The following RYR2 variants were observed in gnomAD, a reference collection of about 807,000 sequenced individuals.
RYR2 encodes the protein cardiac muscle ryanodine receptor-calcium release channel.
In RYR2, 227 loss-of-function variants were observed where a neutral mutation model predicts 601.1. The observed-to-expected ratio is 0.38, with a 90% CI of 0.34 to 0.42. RYR2 has a LOEUF of 0.42. Among genes scored for constraint, RYR2 ranks in the 10% least tolerant of loss-of-function variants. The pLI, the probability that RYR2 is intolerant of heterozygous loss-of-function variation, is 1.00. For missense variants in RYR2, 4,646 were observed against 6,156.5 expected (o/e 0.75, Z 8.21); for synonymous variants, 2,223 against 2,175.1 (o/e 1.02, Z -0.61).
At chr1:237,099,150 A>G (rs1451352907) in intron 1 of RYR2, among the ~76,000 whole-genome samples, 1 of 151,766 alleles carries the variant, frequency 6.6e-6, no homozygotes, top group East Asian at 1.9e-4. Context: ...TACATATAAC[A>G]TTTAAGTTAA....
chr1:237,331,763 C>T (rs186619566), intron 3 of RYR2, among the ~76,000 whole-genome samples: 69 of 152,044 alleles, frequency 4.5e-4, no homozygotes, highest in African/African-American at 1.6e-3. Context: ...ATCTGCCCAC[C>T]TTGGCCTCCC....
intron 1 of RYR2, among the ~76,000 whole-genome samples, chr1:237,070,768 G>A (rs1664217019): frequency 6.6e-6 from 1 of 152,216 alleles, no homozygotes. Flanking sequence ...GCTGGCACAG[G>A]TGCCAGCTCC....
intron 10 of RYR2, among the ~76,000 whole-genome samples, chr1:237,402,270 T>G (rs1178744977): frequency 6.7e-6 from 1 of 150,218 alleles, no homozygotes; most frequent in Non-Finnish European, 1.5e-5. Context: ...GTATGGCAAG[T>G]GGAGAGCTGA....
At chr1:237,797,514 G>A (rs1659401832) in intron 96 of RYR2, among the ~76,000 whole-genome samples, 1 of 152,204 alleles carries the variant, frequency 6.6e-6, no homozygotes, top group Non-Finnish European at 1.5e-5. Context: ...GGCATGCAGA[G>A]GTCTATGCAG....
intron 1 of RYR2, among the ~76,000 whole-genome samples, chr1:237,099,786 G>A (rs914618277): frequency 2.0e-5 from 3 of 152,182 alleles, no homozygotes; most frequent in African/African-American, 7.2e-5. Flanking sequence ...TGAGTGCTAG[G>A]CACTAATCAA....
At chr1:237,666,196 A>G (rs1380462009) in intron 56 of RYR2, among the ~76,000 whole-genome samples, 1 of 152,190 alleles carries the variant, frequency 6.6e-6, no homozygotes, top group Non-Finnish European at 1.5e-5. Flanking sequence ...ATTGCAGCCA[A>G]TTTGGATTTG....
intron 25 of RYR2, among the ~76,000 whole-genome samples, chr1:237,536,542 G>A (rs1397436584): frequency 1.3e-5 from 2 of 151,724 alleles, no homozygotes; most frequent in African/African-American, 2.4e-5. Flanking sequence ...GTGAAACCCC[G>A]TCTCTAATAA....
intron 2 of RYR2, among the ~76,000 whole-genome samples, chr1:237,283,127 C>G (rs573517498): frequency 2.0e-5 from 3 of 152,182 alleles, no homozygotes; most frequent in Non-Finnish European, 4.4e-5. Flanking sequence ...CTTGCGCGTT[C>G]TTCACCTGAA....
chr1:237,612,565 T>C (rs570679154), intron 36 of RYR2, among the ~76,000 whole-genome samples: 3 of 152,290 alleles, frequency 2.0e-5, no homozygotes, highest in Non-Finnish European at 4.4e-5. Flanking sequence ...CATAATGTAC[T>C]CTTGAGATGG....
intron 1 of RYR2, among the ~76,000 whole-genome samples, chr1:237,123,270 C>T (rs1175724492): frequency 1.3e-5 from 2 of 152,154 alleles, no homozygotes; most frequent in African/African-American, 4.8e-5. Flanking sequence ...GCTTTATTTG[C>T]TTCTATCCTA....
At chr1:237,332,163 T>C (rs1696809646) in intron 3 of RYR2, among the ~76,000 whole-genome samples, 1 of 152,182 alleles carries the variant, frequency 6.6e-6, no homozygotes, top group South Asian at 2.1e-4. Flanking sequence ...AAAATGGTAA[T>C]ATATAAATGA....
At chr1:237,533,215 A>G (rs1668296911) in intron 25 of RYR2, among the ~76,000 whole-genome samples, 2 of 152,218 alleles carry the variant, frequency 1.3e-5, no homozygotes, top group South Asian at 2.1e-4. Context: ...TACTGTCTCT[A>G]AATTTTCCAT....
rs1171829164 is a variant in RYR2 at position 237,180,042 on chromosome 1, C to T, written c.49-90455C>T. Among the ~76,000 whole-genome samples, 1 of 152,098 alleles carries T rather than the reference C, an allele frequency of 6.6e-6. No homozygotes were observed. Among genetic ancestry groups the T allele is most frequent in the East Asian group, 1.9e-4 (1 of 5,178 alleles). On this transcript the variant is annotated intron_variant, in intron 1 of 104. Coordinates refer to ENST00000366574, the MANE Select transcript of RYR2 (RefSeq NM_001035.3). This position sits in a 1 kb window ranked among gnomAD's most constrained non-coding sequence, Gnocchi z 5.3. Reference sequence around the variant, plus strand: ...ACAGCAAGTGATAAAGCTTTGACCCCTGGGTATATTGTTGATGGGAGACCC... The same window carrying T: ...ACAGCAAGTGATAAAGCTTTGACCCTTGGGTATATTGTTGATGGGAGACCC...
chr1:237,769,077 G>T (rs1378501769), intron 84 of RYR2, among the ~76,000 whole-genome samples: 1 of 152,062 alleles, frequency 6.6e-6, no homozygotes, highest in Admixed American at 6.6e-5. Context: ...TTTCTAGTAA[G>T]GGTTACTTCT....
At position 237,071,231 on chromosome 1, in the gene RYR2, T is replaced by G. The variant is rs141760056; in HGVS notation, c.48+28662T>G. Among the ~76,000 whole-genome samples, 756 of 151,060 alleles carry G rather than the reference T, an allele frequency of 5.0e-3. 5 individuals carry two copies. Among genetic ancestry groups the G allele is most frequent in the African/African-American group, 0.016 (679 of 41,262 alleles). The stretch of plus-strand genomic sequence containing the variant: ...CTGAGTCCAGGGTTTTGATTTTTGT[T>G]TTTTTTTTTGAGACGAAGTCTTGCT... On this transcript the variant is annotated intron_variant, in intron 1 of 104. Coordinates refer to ENST00000366574, the MANE Select transcript of RYR2 (RefSeq NM_001035.3).
At chr1:237,207,294 G>A (rs928260317) in intron 1 of RYR2, among the ~76,000 whole-genome samples, 4 of 152,340 alleles carry the variant, frequency 2.6e-5, no homozygotes, top group South Asian at 2.1e-4. Flanking sequence ...GGCCAGGCAC[G>A]GCGGCTCACG....
intron 1 of RYR2, among the ~76,000 whole-genome samples, chr1:237,066,787 G>A (rs943933272): frequency 6.6e-5 from 10 of 151,812 alleles, no homozygotes; most frequent in East Asian, 5.8e-4. Flanking sequence ...GACTGCAGGC[G>A]CCCACCACCA....
intron 100 of RYR2, among the ~76,000 whole-genome samples, chr1:237,809,888 G>C (rs769818165): frequency 3.3e-5 from 5 of 152,124 alleles, no homozygotes; most frequent in Non-Finnish European, 7.4e-5. Flanking sequence ...GAAATTAAAA[G>C]ATGATAAAGA....
At chr1:237,462,645 T>C (rs1037924221) in intron 16 of RYR2, among the ~76,000 whole-genome samples, 6 of 152,172 alleles carry the variant, frequency 3.9e-5, no homozygotes, top group African/African-American at 1.4e-4. Flanking sequence ...AATGAATGTT[T>C]GAAGACTTGG....
Sources: allele counts gnomAD v4.1 joint callset (sites outside exome capture counted in the v4.1 genomes callset), GRCh38; gene constraint gnomAD v4.1.1; non-coding constraint Gnocchi (gnomAD v3.1); transcripts MANE v1.5; gene names NCBI Gene and HGNC (gene_info 2026-07-23, HGNC 2026-07-21).